Variants in SNX4 observed in about 807,000 individuals in gnomAD.
The protein encoded by SNX4 is sorting nexin 4, also known as sorting nexin-4.
A neutral mutation model predicts 70.8 loss-of-function variants in SNX4; 49 were observed. That is an observed-to-expected ratio of 0.69 (90% CI 0.55 to 0.88). The LOEUF is 0.88. Ranked by LOEUF, SNX4 falls within the 40% of genes least tolerant of loss-of-function variation. The pLI is 0.00. For synonymous variants in SNX4, 206 were observed against 183.8 expected (o/e 1.12, Z -0.98); for missense variants, 528 against 544.8 (o/e 0.97, Z 0.31).
intron 9 of SNX4, among the ~76,000 whole-genome samples, chr3:125,466,796 G>GA (rs150392441): frequency 4.1e-4 from 62 of 151,364 alleles, no homozygotes; most frequent in Non-Finnish European, 8.0e-4. Flanking sequence ...TTTAAAAAAA[G>GA]AAAAAAAGCC....
chr3:125,506,553 C>A (rs1245990121), intron 1 of SNX4, among the ~76,000 whole-genome samples: 1 of 144,246 alleles, frequency 6.9e-6, no homozygotes, highest in African/African-American at 2.6e-5. Flanking sequence ...ATCGCCAGGT[C>A]GGAGTGCAGT....
At chr3:125,476,848 CAATAAACTTGGA>C (rs1386948811) in intron 7 of SNX4, 92 bp from the exon 8 acceptor site, 4 of 689,016 alleles carry the variant, frequency 5.8e-6, no homozygotes, top group Non-Finnish European at 1.0e-5. Flanking sequence ...ATGCTTACTA[CAATAAACTTGGA>C]AATAGAAAAA....
chr3:125,453,076 G>A (rs924685637), intron 12 of SNX4, among the ~76,000 whole-genome samples: 7 of 152,220 alleles, frequency 4.6e-5, no homozygotes, highest in African/African-American at 1.7e-4. Flanking sequence ...GTCAAACAGT[G>A]ATAGTGGGTC....
intron 7 of SNX4, among the ~76,000 whole-genome samples, chr3:125,479,063 G>C (rs573600317): frequency 7.9e-5 from 12 of 152,102 alleles, no homozygotes; most frequent in African/African-American, 2.6e-4. Context: ...TTCCTTTATT[G>C]TATTTTTTCT....
intron 2 of SNX4, among the ~76,000 whole-genome samples, chr3:125,502,091 C>A (rs1320658556): frequency 1.3e-5 from 2 of 152,132 alleles, no homozygotes. Flanking sequence ...TATCCTTTTT[C>A]ATTGTAAACT....
intron 1 of SNX4, among the ~76,000 whole-genome samples, chr3:125,509,413 C>T (rs1235445875): frequency 3.3e-5 from 5 of 151,522 alleles, no homozygotes; most frequent in Admixed American, 6.6e-5. Flanking sequence ...TTTTCTCTCA[C>T]GGATCCAGAC....
chr3:125,486,503 A>C (rs551689366), intron 6 of SNX4, among the ~76,000 whole-genome samples: 1 of 152,038 alleles, frequency 6.6e-6, no homozygotes, highest in Non-Finnish European at 1.5e-5. Flanking sequence ...GCGGGTGCCT[A>C]TAGTCCCAGC....
At chr3:125,466,499 A>ATAAACAGAG (rs1218548668) in intron 9 of SNX4, among the ~76,000 whole-genome samples, 111 of 152,382 alleles carry the variant, frequency 7.3e-4, no homozygotes, top group African/African-American at 2.6e-3. Context: ...AAAAGAAACT[A>ATAAACAGAG]TAAACAGAGT....
intron 5 of SNX4, among the ~76,000 whole-genome samples, chr3:125,495,392 A>G (rs1364874223): frequency 6.6e-6 from 1 of 151,224 alleles, no homozygotes; most frequent in African/African-American, 2.4e-5. Context: ...GGGAGGAAGG[A>G]CTTAAAACAA....
At chr3:125,512,251 G>T (rs58862037) in intron 1 of SNX4, among the ~76,000 whole-genome samples, 72,144 of 151,862 alleles carry the variant, frequency 0.48, 17,350 homozygotes, top group African/African-American at 0.55. Flanking sequence ...CAGCCAAGCA[G>T]TTTGATTTAC....
intron 1 of SNX4, among the ~76,000 whole-genome samples, chr3:125,519,454 C>T (rs1368015042): frequency 6.6e-6 from 1 of 152,156 alleles, no homozygotes; most frequent in Admixed American, 6.5e-5. Context: ...AATGTTTTCT[C>T]ATTTGTACCT....
intron 9 of SNX4, among the ~76,000 whole-genome samples, chr3:125,461,923 G>A (rs1342108859): frequency 6.6e-6 from 1 of 152,160 alleles, no homozygotes; most frequent in African/African-American, 2.4e-5. Context: ...AAAGTGCTAG[G>A]ATTACAGGCG....
intron 9 of SNX4, among the ~76,000 whole-genome samples, chr3:125,467,842 G>T (rs1934073325): frequency 6.6e-6 from 1 of 152,178 alleles, no homozygotes; most frequent in African/African-American, 2.4e-5. Flanking sequence ...ATTTCTCAAA[G>T]AACTTAAAAT....
chr3:125,508,029 G>C (rs1935088386), intron 1 of SNX4, among the ~76,000 whole-genome samples: 1 of 152,044 alleles, frequency 6.6e-6, no homozygotes, highest in African/African-American at 2.4e-5. Flanking sequence ...CTTGTACAAT[G>C]GAAAGTATAA....
chr3:125,448,764 C>T (rs1933496002), intron 13 of SNX4, among the ~76,000 whole-genome samples: 1 of 150,450 alleles, frequency 6.6e-6, no homozygotes, highest in African/African-American at 2.5e-5. Context: ...CAAGCTCCAC[C>T]TCCCGGGTTC....
chr3:125,519,385 T>C (rs1935348009), intron 1 of SNX4, among the ~76,000 whole-genome samples: 1 of 152,144 alleles, frequency 6.6e-6, no homozygotes, highest in Non-Finnish European at 1.5e-5. Flanking sequence ...AAGTCTCCAA[T>C]GGGAAACACA....
intron 8 of SNX4, among the ~76,000 whole-genome samples, chr3:125,473,512 T>G (rs1934224537): frequency 6.6e-6 from 1 of 152,104 alleles, no homozygotes; most frequent in Non-Finnish European, 1.5e-5. Flanking sequence ...ACCTCCTAGT[T>G]CAGGCAATTT....
chr3:125,496,801 T>C (rs1431072821), intron 5 of SNX4, among the ~76,000 whole-genome samples: 1 of 152,166 alleles, frequency 6.6e-6, no homozygotes, highest in Non-Finnish European at 1.5e-5. Context: ...CCTGTACCAC[T>C]AACAGATAAA....
chr3:125,504,660 T>A lies in SNX4; in HGVS notation c.226A>T (p.Met76Leu). The A allele has an allele frequency of 6.2e-7, 1 of 1,614,132 alleles. No individual in the cohort carries two copies. The highest frequency in any genetic ancestry group is 8.5e-7 in the Non-Finnish European group (1 of 1,180,006). Reference sequence around the variant, plus strand: ...AGGTAAGCAGTATATGTTTCTTGCATGTTCATGGCATTTCTTCCAGTTCGT... The same window carrying A: ...AGGTAAGCAGTATATGTTTCTTGCAAGTTCATGGCATTTCTTCCAGTTCGT... ...EKRTGRNAMN[M>L]QETYTAYLIE... is the part of the protein sequence containing the mutation. Residue 76 changes from methionine (M) to leucine (L), a missense_variant, in exon 2 of 14, where the codon ATG becomes TTG. This residue lies in a region of SNX4 where 341 missense variants were observed against 312.2 expected (regional missense o/e 1.09). Coordinates refer to ENST00000251775, the MANE Select transcript of SNX4 (RefSeq NM_003794.4).
Sources: gnomAD v4.1 joint callset for allele counts (sites outside exome capture counted in the v4.1 genomes callset) on GRCh38, gnomAD v4.1.1 for gene constraint, gnomAD v4.1.1 regional missense constraint, MANE v1.5 for transcripts, NCBI Gene and HGNC (gene_info 2026-07-23, HGNC 2026-07-21) for gene names.